IL1RAPL1: variants seen among roughly 807,000 people sequenced by gnomAD.
The protein encoded by IL1RAPL1 is interleukin 1 receptor accessory protein like 1.
In IL1RAPL1, 3 loss-of-function variants were observed where a neutral mutation model predicts 48.4. That is an observed-to-expected ratio of 0.06 (90% confidence interval 0.03 to 0.16). IL1RAPL1 has a LOEUF of 0.16. IL1RAPL1 is among the 10% of genes least tolerant of loss of function. The pLI is 1.00. For synonymous variants in IL1RAPL1, 185 were observed against 187.7 expected, an observed-to-expected ratio of 0.99 and a Z score of 0.12; for missense variants, 349 against 530.6, an observed-to-expected ratio of 0.66 and a Z score of 3.36.
chrX:29,660,842 G>T (rs1033400737), intron 5 of IL1RAPL1, among the ~76,000 whole-genome samples: 4 of 111,947 alleles, frequency 3.6e-5, no homozygotes, highest in African/African-American at 1.3e-4. Context: ...ATGAATTTTA[G>T]GATCTTTTTT....
intron 5 of IL1RAPL1, among the ~76,000 whole-genome samples, chrX:29,632,223 A>T (rs1924798063): frequency 1.9e-5 from 2 of 107,695 alleles, no homozygotes; most frequent in African/African-American, 6.8e-5. Context: ...ATCTCTGCTC[A>T]CTGCAAGCTG....
chrX:29,701,508 G>A (rs1927044865), intron 6 of IL1RAPL1, among the ~76,000 whole-genome samples: 1 of 112,110 alleles, frequency 8.9e-6, no homozygotes, highest in Admixed American at 9.5e-5. Flanking sequence ...ATTCAAGAGA[G>A]TATGAGACTG....
At chrX:28,640,203 T>C (rs1464921100) in intron 1 of IL1RAPL1, among the ~76,000 whole-genome samples, 3 of 112,040 alleles carry the variant, frequency 2.7e-5, no homozygotes, top group Non-Finnish European at 5.6e-5. Flanking sequence ...TATTTCATTG[T>C]ACCTTAAGGG....
chrX:29,783,758 A>T (rs1275138383), intron 6 of IL1RAPL1, among the ~76,000 whole-genome samples: 4 of 112,278 alleles, frequency 3.6e-5, no homozygotes, highest in African/African-American at 1.3e-4. Context: ...TGATATTATG[A>T]GAAGTAGTAT....
chrX:29,498,519 T>G (rs1935238382), intron 5 of IL1RAPL1, among the ~76,000 whole-genome samples: 1 of 111,894 alleles, frequency 8.9e-6, no homozygotes, highest in South Asian at 3.7e-4. Flanking sequence ...TCTTAATGAA[T>G]TCATTCATTT....
chrX:29,230,522 A>AAC (rs1569265291), intron 2 of IL1RAPL1, among the ~76,000 whole-genome samples: 1 of 90,822 alleles, frequency 1.1e-5, no homozygotes, highest in Non-Finnish European at 2.1e-5. Flanking sequence ...AAAAAAAAAA[A>AAC]AAAAAAAAAA....
chrX:29,147,858 G>T (rs1929381259), intron 2 of IL1RAPL1, among the ~76,000 whole-genome samples: 1 of 112,029 alleles, frequency 8.9e-6, no homozygotes. Flanking sequence ...TGTGATCATT[G>T]TCTATAGAGT....
At chrX:29,669,266 T>C (rs1237494705) in intron 6 of IL1RAPL1, among the ~76,000 whole-genome samples, 9 of 111,823 alleles carry the variant, frequency 8.0e-5, no homozygotes, top group Admixed American at 6.7e-4. Flanking sequence ...GCATATGCCA[T>C]AAACTTTGGC....
intron 2 of IL1RAPL1, among the ~76,000 whole-genome samples, chrX:28,901,949 C>T (rs893196616): frequency 9.0e-6 from 1 of 111,342 alleles, no homozygotes; most frequent in Non-Finnish European, 1.9e-5. Context: ...CTATGTGACT[C>T]CCACTCTATA....
chrX:28,937,709 C>A (rs928794695), intron 2 of IL1RAPL1, among the ~76,000 whole-genome samples: 8 of 111,195 alleles, frequency 7.2e-5, no homozygotes, highest in African/African-American at 2.3e-4. Flanking sequence ...TAAAGGACAT[C>A]CAAATAGGAA....
rs749505434 is a variant in IL1RAPL1, at chrX:28,928,151, G to A, written c.82+138726G>A. 7.2e-5 allele frequency among the ~76,000 whole-genome samples: 8 copies of A among 110,758 alleles called. No homozygotes were observed. The South Asian group carries it at 1.1e-3, about 16-fold the overall frequency. On this transcript the variant is annotated intron_variant, in intron 2 of 10. Coordinates refer to ENST00000378993, the MANE Select transcript of IL1RAPL1 (RefSeq NM_014271.4). ...TGATTAACTGGTTCCATTATGACCC[G>A]ATGACTAAAGTCAAATTTATAAATG...
At chrX:28,626,016 C>T (rs927724280) in intron 1 of IL1RAPL1, among the ~76,000 whole-genome samples, 1 of 111,832 alleles carries the variant, frequency 8.9e-6, no homozygotes, top group Non-Finnish European at 1.9e-5. Flanking sequence ...TTCTTGTACC[C>T]ATTCCATGGG....
chrX:29,591,229 G>A (rs1041885191), intron 5 of IL1RAPL1, among the ~76,000 whole-genome samples: 2 of 112,211 alleles, frequency 1.8e-5, no homozygotes, highest in Non-Finnish European at 3.8e-5. Flanking sequence ...GATGAGCTTA[G>A]TTAATGCTAG....
In IL1RAPL1 at chrX:29,408,539, G is replaced by T. The variant is rs764537019; in HGVS notation, c.703+9231G>T. Among the ~76,000 whole-genome samples, 14 of 111,268 alleles carry T rather than the reference G, an allele frequency of 1.3e-4. No individual in the cohort carries two copies. In the South Asian group the frequency reaches 5.2e-3, roughly 42 times the overall value. On this transcript the variant is annotated intron_variant, in intron 5 of 10. Transcript: ENST00000378993. ...TTTTCCCAAGTAAATTTGAGAGTCA[G>T]CAAGCAGAGTGAGGAAGTGAAGAAA...
chrX:29,120,833 A>G (rs946752515), intron 2 of IL1RAPL1, among the ~76,000 whole-genome samples: 2 of 111,646 alleles, frequency 1.8e-5, no homozygotes, highest in South Asian at 7.5e-4. Flanking sequence ...TAGACGCAAA[A>G]ATCCTCAACT....
At position 29,042,254 on chromosome X, in the gene IL1RAPL1, A is replaced by G. The variant is rs146081904; in HGVS notation, c.83-240684A>G. On this transcript the variant is annotated intron_variant, in intron 2 of 10. Transcript: ENST00000378993. ...ACTGAATGGAACTTGGTATCTCATC[A>G]GTGCCTCTCAAAGATTTCCTTTCAC... 1.3e-4 allele frequency among the ~76,000 whole-genome samples: 15 copies of G among 111,821 alleles called. No homozygotes were observed. In the East Asian group the frequency reaches 3.9e-3, roughly 29 times the overall value.
chrX:28,873,662 G>A, intron 2 of IL1RAPL1, among the ~76,000 whole-genome samples: 1 of 106,718 alleles, frequency 9.4e-6, no homozygotes, highest in Non-Finnish European at 1.9e-5. Flanking sequence ...CTCCCAAGTA[G>A]CTGGGACTAC....
intron 2 of IL1RAPL1, among the ~76,000 whole-genome samples, chrX:28,800,349 C>T (rs141739546): frequency 3.6e-5 from 4 of 112,070 alleles, no homozygotes; most frequent in South Asian, 3.7e-4. Context: ...CAGGTCTTGG[C>T]GGACATATCT....
intron 2 of IL1RAPL1, among the ~76,000 whole-genome samples, chrX:29,051,648 A>C (rs1927095397): frequency 8.9e-6 from 1 of 111,885 alleles, no homozygotes; most frequent in African/African-American, 3.3e-5. Flanking sequence ...CTGCTTTCCA[A>C]CTCTGAAATC....
Sources: allele counts gnomAD v4.1 joint callset (sites outside exome capture counted in the v4.1 genomes callset), GRCh38; gene constraint gnomAD v4.1.1; transcripts MANE v1.5; gene names NCBI Gene and HGNC (gene_info 2026-07-23, HGNC 2026-07-21).